PGPEP1L: variants seen among roughly 807,000 people sequenced by gnomAD.
The protein encoded by PGPEP1L is pyroglutamyl-peptidase 1-like protein.
PGPEP1L carries 7 observed loss-of-function variants against 6.0 expected under a neutral mutation model. The observed-to-expected ratio is 1.17, with a 90% confidence interval of 0.66 to 2.19. The LOEUF (loss-of-function observed/expected upper bound fraction) is 2.19. Ranked by LOEUF, PGPEP1L falls within the 30% of genes most tolerant of loss-of-function variation. The pLI is 0.00. For missense variants in PGPEP1L, 209 were observed against 192.5 expected (o/e 1.09, Z -0.51); for synonymous variants, 103 against 83.9 (o/e 1.23, Z -1.24).
intron 2 of PGPEP1L, among the ~76,000 whole-genome samples, chr15:98,989,617 G>A (rs912783561): frequency 5.3e-5 from 8 of 152,162 alleles, no homozygotes; most frequent in African/African-American, 1.9e-4. Flanking sequence ...TTCAAATTCA[G>A]AAAATATAGA....
intron 3 of PGPEP1L, 110 bp from the exon 4 acceptor site, chr15:98,969,761 T>A: frequency 9.0e-7 from 1 of 1,107,200 alleles, no homozygotes; most frequent in South Asian, 1.3e-5. Context: ...GTGCAAAACA[T>A]CTCAAACCCC....
At chr15:99,001,446 TTC>T (rs1304358776) in intron 2 of PGPEP1L, among the ~76,000 whole-genome samples, 44 of 152,276 alleles carry the variant, frequency 2.9e-4, no homozygotes, top group African/African-American at 1.0e-3. Context: ...GGTGTGGGGT[TTC>T]TTTCTGGGGT....
intron 2 of PGPEP1L, among the ~76,000 whole-genome samples, chr15:98,971,754 C>A (rs966486894): frequency 5.9e-5 from 9 of 152,156 alleles, no homozygotes; most frequent in African/African-American, 2.2e-4. Flanking sequence ...ATTCAGAATA[C>A]TCTAATATGG....
At chr15:98,997,920 G>A (rs1467172381) in intron 2 of PGPEP1L, among the ~76,000 whole-genome samples, 5 of 152,036 alleles carry the variant, frequency 3.3e-5, no homozygotes, top group South Asian at 4.1e-4. Context: ...AGGCAGGAGG[G>A]GCATGAGGCA....
intron 2 of PGPEP1L, among the ~76,000 whole-genome samples, chr15:99,002,462 T>C (rs1250641959): frequency 6.6e-6 from 1 of 151,770 alleles, no homozygotes; most frequent in East Asian, 1.9e-4. Context: ...GTGGTGGTGA[T>C]AGGAAGCTAC....
At chr15:98,990,126 TAAC>T (rs2017799576) in intron 2 of PGPEP1L, among the ~76,000 whole-genome samples, 1 of 152,098 alleles carries the variant, frequency 6.6e-6, no homozygotes, top group Non-Finnish European at 1.5e-5. Context: ...AATTCACACA[TAAC>T]AATATTAACC....
chr15:98,995,286 A>C (rs1191493675), intron 2 of PGPEP1L, among the ~76,000 whole-genome samples: 1 of 151,990 alleles, frequency 6.6e-6, no homozygotes, highest in Non-Finnish European at 1.5e-5. Context: ...TAGTTCACTA[A>C]TTTTCTCTTC....
chr15:98,981,784 A>G (rs2017667474), intron 2 of PGPEP1L, among the ~76,000 whole-genome samples: 1 of 152,242 alleles, frequency 6.6e-6, no homozygotes, highest in Non-Finnish European at 1.5e-5. Context: ...ATTCTGTGCT[A>G]TCTTCACAAC....
At chr15:99,004,569 T>G (rs2018020800) in intron 2 of PGPEP1L, among the ~76,000 whole-genome samples, 1 of 150,952 alleles carries the variant, frequency 6.6e-6, no homozygotes, top group African/African-American at 2.4e-5. Context: ...AATACAAAAA[T>G]TAGCTGGGCG....
At position 99,007,781 on chromosome 15, in the gene PGPEP1L, C is replaced by T. The variant is rs757132556; in HGVS notation, c.-792G>A. The T allele has an allele frequency of 5.3e-5, 8 of 152,336 alleles. No individual in the cohort carries two copies. Among genetic ancestry groups the T allele is most frequent in the South Asian group, 2.1e-4 (1 of 4,822 alleles). 9.4% of individuals were successfully genotyped at this position (152,336 alleles called of 1,614,324 possible). On this transcript the variant is annotated 5_prime_UTR_variant, in exon 1 of 5. Transcript: ENST00000535714. ...ACTTCCACAGCACAGAAGGCGACTC[C>T]AGCAAGTTGCTACTGCTACCTGGGG...
intron 2 of PGPEP1L, among the ~76,000 whole-genome samples, chr15:98,978,706 GTATATA>G (rs60484400): frequency 2.3e-4 from 21 of 90,578 alleles, no homozygotes; most frequent in African/African-American, 5.8e-4. Flanking sequence ...ATTAGACTGT[GTATATA>G]TATATATATA....
rs531007330 is a variant in PGPEP1L, at chr15:98,978,155, C to T, written c.-141-6997G>A. 2.0e-5 allele frequency among the ~76,000 whole-genome samples: 3 copies of T among 152,316 alleles called. No individual in the cohort carries two copies. In the East Asian group the frequency reaches 5.8e-4, roughly 29 times the overall value. Reference sequence around the variant, plus strand: ...CCAGAGATCTTTTCGGTTCATTAGTCCCTGTCTAGATAATTTTGCAAATGC... The same window carrying T: ...CCAGAGATCTTTTCGGTTCATTAGTTCCTGTCTAGATAATTTTGCAAATGC... On this transcript the variant is annotated intron_variant, in intron 2 of 4. Coordinates refer to ENST00000535714, the MANE Select transcript of PGPEP1L (RefSeq NM_001167902.2).
At chr15:98,979,996 G>A (rs540219950) in intron 2 of PGPEP1L, among the ~76,000 whole-genome samples, 2 of 152,186 alleles carry the variant, frequency 1.3e-5, no homozygotes, top group South Asian at 4.1e-4. Context: ...GGATGCAAAG[G>A]CATAAGAATG....
intron 2 of PGPEP1L, among the ~76,000 whole-genome samples, chr15:98,995,826 C>G (rs1282210843): frequency 2.0e-5 from 3 of 152,168 alleles, no homozygotes; most frequent in South Asian, 4.1e-4. Context: ...TTTCCCCCAC[C>G]ACCTTCCTCC....
At chr15:98,992,716 C>G (rs1030589764) in intron 2 of PGPEP1L, among the ~76,000 whole-genome samples, 2 of 152,182 alleles carry the variant, frequency 1.3e-5, no homozygotes, top group African/African-American at 4.8e-5. Context: ...GCTGCAGTAA[C>G]AAAAACAGCA....
Position 98,969,936 on chromosome 15 carries a change from G to A in PGPEP1L, c.-18-285C>T, listed in dbSNP as rs138339390. On this transcript the variant is annotated intron_variant, in intron 3 of 4. Coordinates refer to ENST00000535714, the MANE Select transcript of PGPEP1L (RefSeq NM_001167902.2). ...TTACAGGGTAATGTATTCTCTTTTTGTGGGGGGAGGGTTGGAGGGAGGAGA... is the reference window on the plus strand; with the variant it reads ...TTACAGGGTAATGTATTCTCTTTTTATGGGGGGAGGGTTGGAGGGAGGAGA... Among the ~76,000 whole-genome samples, 463 of 152,218 alleles carry A rather than the reference G, an allele frequency of 3.0e-3. 2 individuals carry two copies. The highest frequency in any genetic ancestry group is 0.01 in the African/African-American group (417 of 41,528).
chr15:99,000,355 T>C (rs1402912533), intron 2 of PGPEP1L, among the ~76,000 whole-genome samples: 1 of 152,132 alleles, frequency 6.6e-6, no homozygotes, highest in Non-Finnish European at 1.5e-5. Flanking sequence ...CGGCGCCCAG[T>C]CCCATCGACC....
intron 2 of PGPEP1L, among the ~76,000 whole-genome samples, chr15:99,000,126 CG>C (rs2017941424): frequency 6.6e-6 from 1 of 152,228 alleles, no homozygotes; most frequent in Non-Finnish European, 1.5e-5. Context: ...GTGGGCTCCG[CG>C]GGCCCCGCAC....
At position 98,986,307 on chromosome 15, in the gene PGPEP1L, G is replaced by A. The variant is rs147199297; in HGVS notation, c.-141-15149C>T. On this transcript the variant is annotated intron_variant, in intron 2 of 4. Coordinates refer to ENST00000535714, the MANE Select transcript of PGPEP1L (RefSeq NM_001167902.2). ...AACAATCAAGTGATCAGAGAGTTAG[G>A]CTTTCTGGTACCAGATCTTCAAAAA... 4.8e-3 allele frequency among the ~76,000 whole-genome samples: 737 copies of A among 152,312 alleles called. 6 individuals carry two copies. The highest frequency in any genetic ancestry group is 0.017 in the African/African-American group (694 of 41,566).
Sources: allele counts gnomAD v4.1 joint callset (sites outside exome capture counted in the v4.1 genomes callset), GRCh38; gene constraint gnomAD v4.1.1; transcripts MANE v1.5; gene names NCBI Gene and HGNC (gene_info 2026-07-23, HGNC 2026-07-21).